The following CHRM3 variants were observed in gnomAD, a reference collection of about 807,000 sequenced individuals.
CHRM3 encodes cholinergic receptor muscarinic 3, also known as muscarinic acetylcholine receptor M3.
A neutral mutation model predicts 41.8 loss-of-function variants in CHRM3; 11 were observed. That is an observed-to-expected ratio of 0.26 (90% CI 0.17 to 0.44). The LOEUF (loss-of-function observed/expected upper bound fraction) is 0.44. Among genes scored for constraint, CHRM3 ranks in the 20% least tolerant of loss-of-function variants. The pLI is 1.00. For missense variants in CHRM3, 571 were observed against 745.4 expected (o/e 0.77, Z 2.72); for synonymous variants, 297 against 301.4 (o/e 0.99, Z 0.15).
chr1:239,858,872 G>A (rs747097394), intron 6 of CHRM3, among the ~76,000 whole-genome samples: 1 of 152,180 alleles, frequency 6.6e-6, no homozygotes, highest in African/African-American at 2.4e-5. Context: ...GACCATTGGT[G>A]TCTAGCTTCT....
chr1:239,732,973 TTTTG>T (rs1223890391), intron 5 of CHRM3, among the ~76,000 whole-genome samples: 5 of 151,992 alleles, frequency 3.3e-5, no homozygotes, highest in East Asian at 1.9e-4. Context: ...TAATATCTCA[TTTTG>T]TTTGTTTAAT....
At chr1:239,575,005 G>A (rs1290219705) in intron 3 of CHRM3, among the ~76,000 whole-genome samples, 1 of 152,176 alleles carries the variant, frequency 6.6e-6, no homozygotes, top group Non-Finnish European at 1.5e-5. Context: ...ACCATTTCAA[G>A]AATTACTAAT....
At chr1:239,708,736 CTTTTTT>C (rs869143310) in intron 5 of CHRM3, among the ~76,000 whole-genome samples, 16 of 48,340 alleles carry the variant, frequency 3.3e-4, no homozygotes, top group South Asian at 2.2e-3. Context: ...TTTAAATTTT[CTTTTTT>C]TTTTTTTTTT....
intron 2 of CHRM3, among the ~76,000 whole-genome samples, chr1:239,502,376 A>C (rs1023649930): frequency 6.6e-5 from 10 of 152,178 alleles, no homozygotes; most frequent in Non-Finnish European, 1.3e-4. Flanking sequence ...CTCCTAGCTT[A>C]ATTCAGGAAG....
chr1:239,617,567 A>G (rs981877998), intron 3 of CHRM3, among the ~76,000 whole-genome samples: 2 of 152,154 alleles, frequency 1.3e-5, no homozygotes, highest in African/African-American at 4.8e-5. Context: ...TCTACAAACA[A>G]ATTTAAAATG....
chr1:239,623,195 T>C (rs752623594), intron 3 of CHRM3, among the ~76,000 whole-genome samples: 24 of 151,898 alleles, frequency 1.6e-4, no homozygotes, highest in Non-Finnish European at 3.1e-4. Context: ...ACATGTGCCA[T>C]GTTGGTGTGC....
intron 3 of CHRM3, among the ~76,000 whole-genome samples, chr1:239,586,580 T>G (rs1663424712): frequency 1.3e-5 from 2 of 152,204 alleles, no homozygotes; most frequent in African/African-American, 4.8e-5. Context: ...TACCATTAAT[T>G]TATTTTTAAA....
intron 4 of CHRM3, among the ~76,000 whole-genome samples, chr1:239,650,132 C>G (rs183111567): frequency 6.6e-6 from 1 of 152,172 alleles, no homozygotes; most frequent in African/African-American, 2.4e-5. Context: ...GGAGTTGGCT[C>G]TCAGCTCTGT....
intron 5 of CHRM3, among the ~76,000 whole-genome samples, chr1:239,819,499 G>A (rs1671862416): frequency 6.6e-6 from 1 of 152,188 alleles, no homozygotes; most frequent in African/African-American, 2.4e-5. Context: ...TCTGCGTTAA[G>A]CAAAATAGTT....
intron 1 of CHRM3, among the ~76,000 whole-genome samples, chr1:239,433,123 C>T (rs371964219): frequency 5.9e-5 from 9 of 152,148 alleles, no homozygotes; most frequent in Non-Finnish European, 1.0e-4. Flanking sequence ...AAACTCATGA[C>T]CCAAACTGAC....
intron 5 of CHRM3, among the ~76,000 whole-genome samples, chr1:239,684,824 G>A (rs573008793): frequency 8.9e-5 from 13 of 146,816 alleles, no homozygotes; most frequent in African/African-American, 2.0e-4. Context: ...ATGGCATATG[G>A]AGAGAGGATG....
chr1:239,424,173 C>T (rs888173086), intron 1 of CHRM3, among the ~76,000 whole-genome samples: 1 of 151,870 alleles, frequency 6.6e-6, no homozygotes, highest in Non-Finnish European at 1.5e-5. Flanking sequence ...TAGATTTCGG[C>T]CACACATCTG....
chr1:239,504,960 G>A (rs1324788889), intron 2 of CHRM3, among the ~76,000 whole-genome samples: 1 of 152,108 alleles, frequency 6.6e-6, no homozygotes, highest in African/African-American at 2.4e-5. Flanking sequence ...ATATGGTGCA[G>A]TGTATACTGT....
intron 2 of CHRM3, among the ~76,000 whole-genome samples, chr1:239,538,808 A>G (rs1422241832): frequency 2.0e-5 from 3 of 152,222 alleles, no homozygotes; most frequent in Non-Finnish European, 2.9e-5. Flanking sequence ...AAACAAGCTT[A>G]GGAATCCACC....
intron 1 of CHRM3, among the ~76,000 whole-genome samples, chr1:239,446,136 C>T (rs749238263): frequency 1.4e-4 from 22 of 152,200 alleles, no homozygotes; most frequent in Admixed American, 3.3e-4. Context: ...GGGGTTTCAC[C>T]ATGTTGGCCA....
intron 1 of CHRM3, among the ~76,000 whole-genome samples, chr1:239,398,606 G>A (rs1163154012): frequency 6.6e-6 from 1 of 152,090 alleles, no homozygotes; most frequent in African/African-American, 2.4e-5. Flanking sequence ...TAGTTAATAT[G>A]TCTCCTCCCA....
At chr1:239,834,148 T>TCACACACACA (rs34990180) in intron 6 of CHRM3, among the ~76,000 whole-genome samples, 6,719 of 135,184 alleles carry the variant, frequency 0.05, 218 homozygotes, top group Non-Finnish European at 0.06. Context: ...TAATTCCACA[T>TCACACACACA]CACACACACA....
intron 4 of CHRM3, among the ~76,000 whole-genome samples, chr1:239,645,499 T>C (rs1397220502): frequency 3.3e-5 from 5 of 152,012 alleles, no homozygotes; most frequent in Non-Finnish European, 7.4e-5. Flanking sequence ...CAAAGGAACA[T>C]GTGGACTAAA....
intron 6 of CHRM3, among the ~76,000 whole-genome samples, chr1:239,831,157 C>G (rs1411117304): frequency 6.6e-6 from 1 of 152,190 alleles, no homozygotes; most frequent in African/African-American, 2.4e-5. Context: ...GGACACAGGG[C>G]TGACCCGAAT....
Sources: gnomAD v4.1 joint callset for allele counts (sites outside exome capture counted in the v4.1 genomes callset) on GRCh38, gnomAD v4.1.1 for gene constraint, MANE v1.5 for transcripts, NCBI Gene and HGNC (gene_info 2026-07-23, HGNC 2026-07-21) for gene names.